Variants in TNFRSF19 observed in about 807,000 individuals in gnomAD.
TNFRSF19 encodes tumor necrosis factor receptor superfamily member 19.
TNFRSF19 carries 27 observed loss-of-function variants against 46.4 expected under a neutral mutation model. That is an observed-to-expected ratio of 0.58 (90% CI 0.43 to 0.80). The LOEUF (loss-of-function observed/expected upper bound fraction) is 0.80. TNFRSF19 is among the 30% of genes least tolerant of loss of function. The pLI is 0.00. For synonymous variants in TNFRSF19, 204 were observed against 205.0 expected, an observed-to-expected ratio of 1.00 and a Z score of 0.04; for missense variants, 511 against 530.8, an observed-to-expected ratio of 0.96 and a Z score of 0.37.
rs746299138 is a variant in TNFRSF19 at position 23,667,120 on chromosome 13, G to GATATATATAT, written c.737-849_737-840dup. ...TGTTTGTGGTTCTATAAATCAGAGT[G>GATATATATAT]ATATATATATATATATATATGTATG... On this transcript the variant is annotated intron_variant, in intron 7 of 9. Coordinates refer to ENST00000248484, the MANE Select transcript of TNFRSF19 (RefSeq NM_148957.4). Among the ~76,000 whole-genome samples, 269 of 87,686 alleles carry GATATATATAT rather than the reference G, an allele frequency of 3.1e-3. 1 individual carries two copies. Among genetic ancestry groups the GATATATATAT allele is most frequent in the East Asian group, 0.011 (39 of 3,564 alleles). 57.5% of individuals were successfully genotyped at this position (87,686 alleles called of 152,430 possible). A position where few individuals can be genotyped will look rare whatever the true frequency, so the allele number is the denominator to read the frequency against.
At position 23,673,412 on chromosome 13, in the gene TNFRSF19, T is replaced by C. The variant is rs1951786805; in HGVS notation, c.*32T>C. 6.3e-7 allele frequency: 1 copy of C among 1,598,386 alleles called. No individual in the cohort carries two copies. Among genetic ancestry groups the C allele is most frequent in the Non-Finnish European group, 8.5e-7 (1 of 1,170,828 alleles). ...TGCTTCTTTCTGCAGTAGAAGCGTG[T>C]GCTGGAACCCAAAGAGTACTCCTTT... On this transcript the variant is annotated 3_prime_UTR_variant, in exon 10 of 10. Transcript: ENST00000248484.
chr13:23,603,747 A>T (rs1312960334), intron 3 of TNFRSF19, among the ~76,000 whole-genome samples: 1 of 152,060 alleles, frequency 6.6e-6, no homozygotes, highest in Non-Finnish European at 1.5e-5. Context: ...CACAAAAAGC[A>T]TTTGAAAAAT....
chr13:23,635,127 C>T (rs1882598976), intron 5 of TNFRSF19, among the ~76,000 whole-genome samples: 2 of 152,074 alleles, frequency 1.3e-5, no homozygotes, highest in African/African-American at 4.8e-5. Context: ...CCTGGCAGCA[C>T]AGACAGGCCA....
Position 23,673,988 on chromosome 13 carries a change from G to A in TNFRSF19, c.*608G>A, listed in dbSNP as rs1316256416. 1 of 152,158 alleles carries A rather than the reference G, an allele frequency of 6.6e-6. No individual in the cohort carries two copies. Among genetic ancestry groups the A allele is most frequent in the African/African-American group, 2.4e-5 (1 of 41,428 alleles). The allele number at this position is 152,158 out of a possible 1,614,324, so 9.4% of individuals were successfully genotyped here. On this transcript the variant is annotated 3_prime_UTR_variant, in exon 10 of 10. Transcript: ENST00000248484. The stretch of plus-strand genomic sequence containing the variant: ...ATTAGATGAAGTTTACTGAATCAGA[G>A]GAATCAGACAGAGGAGGATAGCTCT...
intron 4 of TNFRSF19, among the ~76,000 whole-genome samples, chr13:23,621,045 G>T (rs983263727): frequency 5.3e-5 from 8 of 152,146 alleles, no homozygotes; most frequent in Non-Finnish European, 1.2e-4. Flanking sequence ...ATGCTTAGGT[G>T]CATGTCTGAT....
intron 3 of TNFRSF19, among the ~76,000 whole-genome samples, chr13:23,613,094 G>C (rs1881015735): frequency 6.6e-6 from 1 of 152,202 alleles, no homozygotes. Context: ...AAATGTCTTA[G>C]ATGGAAATTG....
intron 2 of TNFRSF19, among the ~76,000 whole-genome samples, chr13:23,592,561 C>T (rs1468970906): frequency 6.6e-6 from 1 of 152,170 alleles, no homozygotes; most frequent in Admixed American, 6.5e-5. Flanking sequence ...TGAACCAAAG[C>T]ATACTGTTAG....
intron 5 of TNFRSF19, among the ~76,000 whole-genome samples, chr13:23,631,789 C>T (rs1024491054): frequency 2.0e-5 from 3 of 152,128 alleles, no homozygotes. Context: ...GCAAGTTCCT[C>T]GTGTTGAATT....
intron 9 of TNFRSF19, chr13:23,669,475 C>T (rs1951718158): frequency 2.0e-6 from 2 of 984,072 alleles, no homozygotes; most frequent in Non-Finnish European, 2.4e-6. Flanking sequence ...TTACTTATGC[C>T]CAATACTTAA....
At chr13:23,627,242 G>C (rs1194008877) in intron 5 of TNFRSF19, among the ~76,000 whole-genome samples, 1 of 152,038 alleles carries the variant, frequency 6.6e-6, no homozygotes. Context: ...TGCCCTCACT[G>C]TGTGTCACTA....
intron 5 of TNFRSF19, among the ~76,000 whole-genome samples, chr13:23,629,317 T>C (rs755038307): frequency 2.3e-4 from 35 of 152,184 alleles, no homozygotes; most frequent in Non-Finnish European, 4.1e-4. Flanking sequence ...CGGAGTCTGG[T>C]GGCACACCAC....
intron 3 of TNFRSF19, among the ~76,000 whole-genome samples, 176 bp from the exon 4 acceptor site, chr13:23,615,691 A>G (rs2138255907): frequency 6.6e-6 from 1 of 152,360 alleles, no homozygotes; most frequent in South Asian, 2.1e-4. Flanking sequence ...TTACCATAGT[A>G]AGAGAGATCA....
chr13:23,608,710 A>C (rs373534094), intron 3 of TNFRSF19, among the ~76,000 whole-genome samples: 1 of 152,330 alleles, frequency 6.6e-6, no homozygotes, highest in South Asian at 2.1e-4. Flanking sequence ...TAATTGATGA[A>C]AATTAAATGA....
intron 7 of TNFRSF19, among the ~76,000 whole-genome samples, chr13:23,662,345 G>T (rs1354254870): frequency 6.6e-6 from 1 of 152,126 alleles, no homozygotes; most frequent in Non-Finnish European, 1.5e-5. Flanking sequence ...TACATGTGTG[G>T]TCTTATTTCT....
chr13:23,603,795 A>C (rs1880330283), intron 3 of TNFRSF19, among the ~76,000 whole-genome samples: 1 of 151,988 alleles, frequency 6.6e-6, no homozygotes, highest in African/African-American at 2.4e-5. Context: ...ACAACAACAA[A>C]AACCTCTCAG....
chr13:23,630,187 T>G (rs1882262786), intron 5 of TNFRSF19, among the ~76,000 whole-genome samples: 1 of 151,396 alleles, frequency 6.6e-6, no homozygotes, highest in Admixed American at 6.6e-5. Flanking sequence ...CCTTTGATTC[T>G]AGCTACTTGG....
At chr13:23,590,288 G>A (rs757667027) in intron 2 of TNFRSF19, 36 bp downstream of exon 2, 1 of 1,327,396 alleles carries the variant, frequency 7.5e-7, no homozygotes, top group Non-Finnish European at 1.1e-6. Flanking sequence ...TAAGAATGTG[G>A]TGAAAGAATT....
At chr13:23,628,280 G>C (rs1882134269) in intron 5 of TNFRSF19, among the ~76,000 whole-genome samples, 1 of 152,174 alleles carries the variant, frequency 6.6e-6, no homozygotes, top group Non-Finnish European at 1.5e-5. Flanking sequence ...ACTCTTTCTT[G>C]TGTTGTTTGC....
intron 5 of TNFRSF19, among the ~76,000 whole-genome samples, chr13:23,633,136 T>G (rs940052096): frequency 1.4e-5 from 2 of 138,184 alleles, no homozygotes; most frequent in Admixed American, 1.6e-4. Flanking sequence ...TTTGAGACAG[T>G]CTCACTCTGT....
Sources: allele counts gnomAD v4.1 joint callset (sites outside exome capture counted in the v4.1 genomes callset), GRCh38; gene constraint gnomAD v4.1.1; transcripts MANE v1.5; gene names NCBI Gene and HGNC (gene_info 2026-07-23, HGNC 2026-07-21).